The following CNTNAP2 variants were observed in gnomAD, a reference collection of about 807,000 sequenced individuals.
CNTNAP2 encodes contactin-associated protein-like 2.
Under a neutral mutation model 155.2 loss-of-function variants are expected in CNTNAP2, and 98 were observed. That is an observed-to-expected ratio of 0.63 (90% CI 0.54 to 0.75). The LOEUF (loss-of-function observed/expected upper bound fraction) is 0.75. CNTNAP2 is among the 30% of genes least tolerant of loss of function. CNTNAP2 has a pLI of 0.00. For synonymous variants in CNTNAP2, 651 were observed against 631.2 expected, an observed-to-expected ratio of 1.03 and a Z score of -0.47; for missense variants, 1,727 against 1,688.1, an observed-to-expected ratio of 1.02 and a Z score of -0.40.
At chr7:146,646,723 T>C (rs2129162699) in intron 1 of CNTNAP2, among the ~76,000 whole-genome samples, 1 of 152,248 alleles carries the variant, frequency 6.6e-6, no homozygotes, top group Non-Finnish European at 1.5e-5. Flanking sequence ...TCTAATTTTA[T>C]GGTGGAGTCT....
At chr7:146,745,920 G>T (rs143433922) in intron 1 of CNTNAP2, among the ~76,000 whole-genome samples, 1 of 152,154 alleles carries the variant, frequency 6.6e-6, no homozygotes, top group Non-Finnish European at 1.5e-5. Flanking sequence ...GAAGAGACTC[G>T]TTAATCAAAC....
At chr7:146,370,290 T>C in intron 1 of CNTNAP2, among the ~76,000 whole-genome samples, 1 of 119,932 alleles carries the variant, frequency 8.3e-6, no homozygotes, top group East Asian at 2.2e-4. Flanking sequence ...AAAAAAAAAA[T>C]TAGCCGGCGT....
chr7:148,220,746 T>C (rs113352193), intron 19 of CNTNAP2, among the ~76,000 whole-genome samples: 2,110 of 152,094 alleles, frequency 0.014, 36 homozygotes, highest in Middle Eastern at 0.034. Context: ...ATCAGAAAGA[T>C]GAAAACAGTA....
intron 1 of CNTNAP2, among the ~76,000 whole-genome samples, chr7:146,653,128 C>A (rs1032790577): frequency 6.6e-6 from 1 of 152,074 alleles, no homozygotes; most frequent in Non-Finnish European, 1.5e-5. Context: ...AGCTCACGTT[C>A]TTTTCTTTCT....
intron 2 of CNTNAP2, among the ~76,000 whole-genome samples, chr7:146,781,618 C>T (rs891414817): frequency 6.6e-6 from 1 of 152,156 alleles, no homozygotes; most frequent in Non-Finnish European, 1.5e-5. Context: ...CTCTTACAGG[C>T]TCCCAGGCAG....
intron 1 of CNTNAP2, among the ~76,000 whole-genome samples, chr7:146,178,924 A>C (rs1490562071): frequency 1.3e-5 from 2 of 152,194 alleles, no homozygotes; most frequent in Non-Finnish European, 2.9e-5. Flanking sequence ...CAGCTCTGTG[A>C]CTTGCTATGA....
intron 14 of CNTNAP2, among the ~76,000 whole-genome samples, chr7:147,931,550 A>C (rs1800504554): frequency 6.6e-6 from 1 of 152,224 alleles, no homozygotes; most frequent in Non-Finnish European, 1.5e-5. Context: ...TTAATAAAAT[A>C]CTAGCAAACC....
At chr7:147,708,054 T>C (rs1218057705) in intron 13 of CNTNAP2, among the ~76,000 whole-genome samples, 1 of 152,000 alleles carries the variant, frequency 6.6e-6, no homozygotes, top group East Asian at 1.9e-4. Context: ...CAGGTGCCAG[T>C]TGTGGTAGAC....
At chr7:146,711,798 GTATACACATCTTATGTATACAA>G (rs1801081880) in intron 1 of CNTNAP2, among the ~76,000 whole-genome samples, 1 of 117,704 alleles carries the variant, frequency 8.5e-6, no homozygotes, top group Non-Finnish European at 1.7e-5. Flanking sequence ...TACATATATA[GTATACACATCTTATGTATACAA>G]TATAGTATAC....
At chr7:146,999,420 ATGTT>A (rs1201230210) in intron 3 of CNTNAP2, among the ~76,000 whole-genome samples, 1 of 151,972 alleles carries the variant, frequency 6.6e-6, no homozygotes, top group Non-Finnish European at 1.5e-5. Context: ...TCATATTAAA[ATGTT>A]TGGTTGCTAC....
chr7:147,196,186 A>G (rs1802795690), intron 8 of CNTNAP2, among the ~76,000 whole-genome samples: 1 of 152,210 alleles, frequency 6.6e-6, no homozygotes, highest in Non-Finnish European at 1.5e-5. Flanking sequence ...CAAAAATCAT[A>G]AGAAAATAAA....
chr7:146,492,431 C>T (rs1346811711), intron 1 of CNTNAP2, among the ~76,000 whole-genome samples: 3 of 152,172 alleles, frequency 2.0e-5, no homozygotes, highest in South Asian at 2.1e-4. Flanking sequence ...AATCAATCCA[C>T]GTTTTAAACA....
intron 1 of CNTNAP2, among the ~76,000 whole-genome samples, chr7:146,475,870 C>T (rs1292991966): frequency 1.2e-4 from 18 of 152,046 alleles, no homozygotes; most frequent in Admixed American, 1.2e-3. Flanking sequence ...TGACAGCAGA[C>T]ATGAAAAGTA....
intron 21 of CNTNAP2, among the ~76,000 whole-genome samples, chr7:148,313,800 C>T (rs533275672): frequency 5.9e-5 from 9 of 152,226 alleles, no homozygotes; most frequent in African/African-American, 1.9e-4. Context: ...GAGAATAAGA[C>T]GGCCTTTTGA....
intron 3 of CNTNAP2, among the ~76,000 whole-genome samples, chr7:146,933,337 A>T (rs1033870259): frequency 2.0e-5 from 3 of 151,998 alleles, no homozygotes; most frequent in Non-Finnish European, 4.4e-5. Flanking sequence ...GGCAATGGGG[A>T]AAGGATTCCC....
chr7:146,457,481 AATATATATATATATATATATATAT>A lies in CNTNAP2; in HGVS notation c.98-316758_98-316735del, dbSNP rs200909725. On this transcript the variant is annotated intron_variant, in intron 1 of 23. Coordinates refer to ENST00000361727, the MANE Select transcript of CNTNAP2 (RefSeq NM_014141.6). ...TGATTCATTTATAGCTTCAAAAATG[AATATATATATATATATATATATAT>A]ATATATATATATATATATATATATA... 4.5e-3 allele frequency among the ~76,000 whole-genome samples: 395 copies of A among 87,256 alleles called. 14 individuals carry two copies. Among genetic ancestry groups the A allele is most frequent in the Middle Eastern group, 0.018 (2 of 114 alleles). The allele number at this position is 87,256 out of a possible 152,430, so 57.2% of individuals were successfully genotyped here.
chr7:146,624,684 T>G (rs1799389947), intron 1 of CNTNAP2, among the ~76,000 whole-genome samples: 3 of 152,054 alleles, frequency 2.0e-5, no homozygotes, highest in Admixed American at 2.0e-4. Context: ...TTTGTTCTTT[T>G]TTCAGTATTG....
Position 146,750,544 on chromosome 7 carries a change from C to T in CNTNAP2, c.98-23727C>T, listed in dbSNP as rs183531555. Among the ~76,000 whole-genome samples, 223 of 152,234 alleles carry T rather than the reference C, an allele frequency of 1.5e-3. 1 individual carries two copies. Among genetic ancestry groups the T allele is most frequent in the African/African-American group, 4.4e-3 (182 of 41,550 alleles). On this transcript the variant is annotated intron_variant, in intron 1 of 23. Coordinates refer to ENST00000361727, the MANE Select transcript of CNTNAP2 (RefSeq NM_014141.6). The stretch of plus-strand genomic sequence containing the variant: ...CTAGTCCTTTAATAAAGATCAGATG[C>T]TGTGTGGATACTGGTGGGCTTCTTG...
At chr7:146,788,644 G>A (rs1802618315) in intron 2 of CNTNAP2, among the ~76,000 whole-genome samples, 1 of 152,066 alleles carries the variant, frequency 6.6e-6, no homozygotes, top group Admixed American at 6.6e-5. Context: ...TAGTATTAAA[G>A]TATAAGCACT....
Sources: gnomAD v4.1 joint callset for allele counts (sites outside exome capture counted in the v4.1 genomes callset) on GRCh38, gnomAD v4.1.1 for gene constraint, MANE v1.5 for transcripts, NCBI Gene and HGNC (gene_info 2026-07-23, HGNC 2026-07-21) for gene names.